TOX2: variants seen among roughly 807,000 people sequenced by gnomAD.
TOX2 encodes the protein TOX high mobility group box family member 2.
TOX2 carries 15 observed loss-of-function variants against 47.4 expected under a neutral mutation model. That is an observed-to-expected ratio of 0.32 (90% CI 0.21 to 0.49). TOX2 has a LOEUF of 0.49. TOX2 is among the 20% of genes least tolerant of loss of function. The pLI is 0.99. For synonymous variants in TOX2, 290 were observed against 296.6 expected, an observed-to-expected ratio of 0.98 and a Z score of 0.23; for missense variants, 622 against 673.1, an observed-to-expected ratio of 0.92 and a Z score of 0.84.
chr20:44,001,128 T>A (rs1188049127), intron 2 of TOX2, among the ~76,000 whole-genome samples: 1 of 152,324 alleles, frequency 6.6e-6, no homozygotes, highest in South Asian at 2.1e-4. Flanking sequence ...AGCATCTCTT[T>A]CTATATTTTC....
intron 2 of TOX2, among the ~76,000 whole-genome samples, chr20:43,999,293 G>A (rs2070535436): frequency 6.6e-6 from 1 of 151,940 alleles, no homozygotes; most frequent in African/African-American, 2.4e-5. Flanking sequence ...ATAAAGTTCT[G>A]TTTTCTTCTA....
At position 43,916,336 on chromosome 20, in the gene TOX2, C is replaced by G. The variant is rs953629624; in HGVS notation, c.99+1346C>G. Reference sequence around the variant, plus strand: ...GGCGTCCCGGCGCGGATCCCGGGGCCTCCCGGGCTGGGCCTCCCTGAGTGC... The same window carrying G: ...GGCGTCCCGGCGCGGATCCCGGGGCGTCCCGGGCTGGGCCTCCCTGAGTGC... On this transcript the variant is annotated intron_variant, in intron 1 of 8. Coordinates refer to ENST00000341197, the MANE Select transcript of TOX2 (RefSeq NM_001098797.2). The surrounding 1 kb of genome is among the most constrained non-coding windows in gnomAD (Gnocchi z 5.0). 16 of 722,064 alleles carry G rather than the reference C, an allele frequency of 2.2e-5. No homozygotes were observed. In the African/African-American group the frequency reaches 3.1e-4, roughly 14 times the overall value. The allele number at this position is 722,064 out of a possible 1,614,324, so 44.7% of individuals were successfully genotyped here. A position where few individuals can be genotyped will look rare whatever the true frequency, so the allele number is the denominator to read the frequency against.
chr20:44,049,535 C>A (rs1282186683), intron 3 of TOX2, among the ~76,000 whole-genome samples: 1 of 152,196 alleles, frequency 6.6e-6, no homozygotes, highest in African/African-American at 2.4e-5. Context: ...GCAGGATGTG[C>A]AGGTTTGTTA....
At chr20:44,051,567 A>G (rs2071512473) in intron 4 of TOX2, 22 bp downstream of exon 4, 1 of 1,542,940 alleles carries the variant, frequency 6.5e-7, no homozygotes, top group African/African-American at 1.4e-5. Flanking sequence ...GGAGGAACAG[A>G]GCCTGAAGCT....
chr20:43,917,564 C>T (rs1286537694), intron 1 of TOX2, among the ~76,000 whole-genome samples: 3 of 152,132 alleles, frequency 2.0e-5, no homozygotes, highest in South Asian at 2.1e-4. Flanking sequence ...AAGTGATGCC[C>T]GACACCTATG....
intron 5 of TOX2, 99 bp from the exon 6 acceptor site, chr20:44,064,678 T>C: frequency 1.7e-6 from 2 of 1,159,506 alleles, no homozygotes; most frequent in East Asian, 2.4e-5. Flanking sequence ...CCCTCGTCCA[T>C]TCGTGATCCT....
chr20:43,979,999 C>CATAT (rs574649713), intron 2 of TOX2, among the ~76,000 whole-genome samples: 4 of 152,252 alleles, frequency 2.6e-5, no homozygotes, highest in African/African-American at 9.6e-5. Context: ...ATAGAGCTAC[C>CATAT]ATATGATCCA....
chr20:43,949,608 T>C (rs765323585), intron 1 of TOX2, among the ~76,000 whole-genome samples: 8 of 152,238 alleles, frequency 5.3e-5, no homozygotes, highest in Non-Finnish European at 1.2e-4. Context: ...GCTTCCCCAC[T>C]GACCAAGCTA....
intron 1 of TOX2, among the ~76,000 whole-genome samples, chr20:43,958,731 T>C (rs947372937): frequency 2.6e-5 from 4 of 152,222 alleles, no homozygotes; most frequent in Non-Finnish European, 5.9e-5. Context: ...AAATCTGGCT[T>C]CTTCTGGAGG....
chr20:44,037,138 G>A lies in TOX2; in HGVS notation c.412-14168G>A, dbSNP rs948469112. On this transcript the variant is annotated intron_variant, in intron 3 of 8. Transcript: ENST00000341197. ...CCAGCTAATTTTTGTATTTTTAGTA[G>A]CGACAGGGTTTTACCATGTTGGTCA... Among the ~76,000 whole-genome samples the A allele has an allele frequency of 6.6e-5, 10 of 152,272 alleles. No homozygotes were observed. The East Asian group carries it at 1.9e-3, about 29-fold the overall frequency.
rs886646654 is a variant in TOX2 at position 43,915,098 on chromosome 20, C to T, written c.99+108C>T. 1.5e-5 allele frequency: 8 copies of T among 549,460 alleles called. No homozygotes were observed. Among genetic ancestry groups the T allele is most frequent in the Admixed American group, 5.9e-5 (1 of 17,086 alleles). 34.0% of individuals were successfully genotyped at this position (549,460 alleles called of 1,614,324 possible). ...ACGGGGCCGCGCACATCAGCCCCGCCGACGGGCACGGGCGGCTCACATCGA... is the reference window on the plus strand; with the variant it reads ...ACGGGGCCGCGCACATCAGCCCCGCTGACGGGCACGGGCGGCTCACATCGA... On this transcript the variant is annotated intron_variant, in intron 1 of 8. Transcript: ENST00000341197. The surrounding 1 kb of genome is among the most constrained non-coding windows in gnomAD (Gnocchi z 7.1).
chr20:43,927,510 CAT>C (rs1491243574), intron 1 of TOX2, among the ~76,000 whole-genome samples: 3 of 128,768 alleles, frequency 2.3e-5, no homozygotes, highest in Non-Finnish European at 4.9e-5. Flanking sequence ...CACACACACA[CAT>C]CATGAGATAT....
intron 2 of TOX2, among the ~76,000 whole-genome samples, chr20:43,976,588 A>G (rs1204719897): frequency 1.3e-5 from 2 of 152,190 alleles, no homozygotes; most frequent in African/African-American, 4.8e-5. Context: ...TTTACAAACT[A>G]CCACATGTAG....
At chr20:44,054,817 A>G (rs2071590208) in intron 5 of TOX2, among the ~76,000 whole-genome samples, 1 of 152,156 alleles carries the variant, frequency 6.6e-6, no homozygotes, top group Admixed American at 6.5e-5. Context: ...ATCTCCATCC[A>G]TCTTGTCCCA....
At chr20:43,998,191 T>C (rs978699444) in intron 2 of TOX2, among the ~76,000 whole-genome samples, 2 of 152,206 alleles carry the variant, frequency 1.3e-5, no homozygotes, top group Non-Finnish European at 2.9e-5. Context: ...GAGAACTTAC[T>C]TACTGTCACG....
At chr20:44,068,252 G>T (rs2071868906) in intron 8 of TOX2, among the ~76,000 whole-genome samples, 1 of 152,054 alleles carries the variant, frequency 6.6e-6, no homozygotes, top group East Asian at 1.9e-4. Context: ...ATCACATCCA[G>T]CATGGAGGTC....
chr20:44,055,111 C>T (rs2071594825), intron 5 of TOX2, among the ~76,000 whole-genome samples: 1 of 152,156 alleles, frequency 6.6e-6, no homozygotes, highest in South Asian at 2.1e-4. Context: ...GTGGAGTAGC[C>T]ATTGCTTTCC....
chr20:43,929,651 A>C (rs1332292210), intron 1 of TOX2, among the ~76,000 whole-genome samples: 1 of 152,064 alleles, frequency 6.6e-6, no homozygotes, highest in Non-Finnish European at 1.5e-5. Context: ...TCATCTGTGC[A>C]GTTGTCTTTC....
At position 44,011,092 on chromosome 20, in the gene TOX2, T is replaced by A. The variant is rs534950962; in HGVS notation, c.411+4300T>A. On this transcript the variant is annotated intron_variant, in intron 3 of 8. Transcript: ENST00000341197. ...GTCAGCAAAACTCCCTTTGCCCCTC[T>A]TCTAAGGACATTTGTGATGGCATTT... Among the ~76,000 whole-genome samples the A allele has an allele frequency of 5.1e-4, 78 of 152,300 alleles. 2 individuals carry two copies. Among genetic ancestry groups the A allele is most frequent in the Middle Eastern group, 3.4e-3 (1 of 294 alleles).
Sources: allele counts gnomAD v4.1 joint callset (sites outside exome capture counted in the v4.1 genomes callset), GRCh38; gene constraint gnomAD v4.1.1; non-coding constraint Gnocchi (gnomAD v3.1); transcripts MANE v1.5; gene names NCBI Gene and HGNC (gene_info 2026-07-23, HGNC 2026-07-21).